The following SLIT3 variants were observed in gnomAD, a reference collection of about 807,000 sequenced individuals.
SLIT3 encodes slit homolog 3 protein.
Under a neutral mutation model 184.0 loss-of-function variants are expected in SLIT3, and 68 were observed. The observed-to-expected ratio is 0.37, with a 90% CI of 0.30 to 0.45. SLIT3 has a LOEUF of 0.45. SLIT3 is among the 20% of genes least tolerant of loss of function. The pLI is 1.00. For synonymous variants in SLIT3, 831 were observed against 828.6 expected (o/e 1.00, Z -0.05); for missense variants, 1,707 against 2,026.0 (o/e 0.84, Z 3.02).
At chr5:168,790,599 C>T (rs1756331600) in intron 10 of SLIT3, 1 of 152,156 alleles carries the variant, frequency 6.6e-6, no homozygotes, top group African/African-American at 2.4e-5. Flanking sequence ...AGAGATGCTC[C>T]AATTTCCTGC....
chr5:168,705,811 A>G (rs911344255), intron 26 of SLIT3, among the ~76,000 whole-genome samples: 2 of 152,214 alleles, frequency 1.3e-5, no homozygotes, highest in African/African-American at 2.4e-5. Flanking sequence ...ACCCAGCTCT[A>G]CTACTTTCAG....
At chr5:169,164,110 C>G (rs1414047531) in intron 4 of SLIT3, among the ~76,000 whole-genome samples, 2 of 152,186 alleles carry the variant, frequency 1.3e-5, no homozygotes, top group Non-Finnish European at 2.9e-5. Context: ...TGCTCCTTTT[C>G]AAAGTCAGGG....
chr5:168,826,196 G>A (rs961193457), intron 6 of SLIT3, among the ~76,000 whole-genome samples: 7 of 152,226 alleles, frequency 4.6e-5, no homozygotes, highest in Non-Finnish European at 1.0e-4. Flanking sequence ...AATGTGAGTC[G>A]TAATGAGTGC....
At chr5:169,074,144 G>A (rs1233550264) in intron 4 of SLIT3, among the ~76,000 whole-genome samples, 1 of 152,144 alleles carries the variant, frequency 6.6e-6, no homozygotes, top group South Asian at 2.1e-4. Flanking sequence ...AGCCCCAGGT[G>A]GATGATGTCT....
At chr5:169,214,932 G>A (rs140365102) in intron 3 of SLIT3, among the ~76,000 whole-genome samples, 226 of 152,152 alleles carry the variant, frequency 1.5e-3, no homozygotes, top group African/African-American at 4.9e-3. Flanking sequence ...CTGTATGGCC[G>A]TTCCCCTGGT....
chr5:168,810,287 T>G (rs1300356383), intron 8 of SLIT3, among the ~76,000 whole-genome samples: 4 of 152,248 alleles, frequency 2.6e-5, no homozygotes, highest in Admixed American at 2.6e-4. Flanking sequence ...TCTGTCTGCA[T>G]GCACATGTGT....
At chr5:168,971,067 A>G (rs1561581682) in intron 4 of SLIT3, among the ~76,000 whole-genome samples, 1 of 152,238 alleles carries the variant, frequency 6.6e-6, no homozygotes, top group Non-Finnish European at 1.5e-5. Context: ...GGTGATTCAT[A>G]GTAAAGAAGG....
intron 4 of SLIT3, among the ~76,000 whole-genome samples, chr5:169,004,821 A>G (rs1378605836): frequency 6.6e-6 from 1 of 152,184 alleles, no homozygotes; most frequent in African/African-American, 2.4e-5. Flanking sequence ...ATGTGACGAT[A>G]CAGCTAGAAG....
chr5:168,883,457 G>A (rs1359500203), intron 4 of SLIT3, 121 bp from the exon 5 acceptor site: 16 of 717,052 alleles, frequency 2.2e-5, no homozygotes, highest in Middle Eastern at 2.4e-4. Context: ...AGTGTATGGC[G>A]GCTGTTTGGT....
chr5:168,753,405 G>A (rs1270084857), intron 17 of SLIT3, among the ~76,000 whole-genome samples: 5 of 152,250 alleles, frequency 3.3e-5, no homozygotes, highest in African/African-American at 4.8e-5. Context: ...GAAGAGAAGA[G>A]AGAATCAAGA....
At chr5:168,706,456 G>A (rs1416389471) in intron 26 of SLIT3, 4 of 152,162 alleles carry the variant, frequency 2.6e-5, no homozygotes, top group Admixed American at 6.5e-5. Context: ...CACACATCCT[G>A]AGTATGTCTG....
At chr5:169,296,469 AGTCTGTCCAGGAG>A (rs1160626456) in intron 1 of SLIT3, among the ~76,000 whole-genome samples, 1 of 152,172 alleles carries the variant, frequency 6.6e-6, no homozygotes, top group Non-Finnish European at 1.5e-5. Flanking sequence ...GCTGCTCCTT[AGTCTGTCCAGGAG>A]GGCACTGTGT....
intron 4 of SLIT3, among the ~76,000 whole-genome samples, chr5:169,145,556 T>C (rs1230389934): frequency 2.0e-5 from 3 of 152,214 alleles, no homozygotes; most frequent in Non-Finnish European, 4.4e-5. Context: ...CCCAGCCACA[T>C]ACATTGGGCT....
At chr5:168,898,467 T>C (rs1483264388) in intron 4 of SLIT3, among the ~76,000 whole-genome samples, 2 of 151,286 alleles carry the variant, frequency 1.3e-5, no homozygotes, top group African/African-American at 4.9e-5. Context: ...AAATGAGATA[T>C]AAAAATGGTC....
At chr5:168,800,068 G>T (rs527745046) in intron 9 of SLIT3, among the ~76,000 whole-genome samples, 9 of 152,158 alleles carry the variant, frequency 5.9e-5, no homozygotes, top group Non-Finnish European at 1.2e-4. Flanking sequence ...AGATCACGCT[G>T]AAGGAAGGAA....
intron 3 of SLIT3, among the ~76,000 whole-genome samples, chr5:169,227,166 A>G (rs1407702292): frequency 6.6e-6 from 1 of 152,226 alleles, no homozygotes. Context: ...AATGGGAGGC[A>G]CAGACTTAAG....
At chr5:169,148,544 T>A (rs1277039734) in intron 4 of SLIT3, among the ~76,000 whole-genome samples, 1 of 152,158 alleles carries the variant, frequency 6.6e-6, no homozygotes, top group Admixed American at 6.5e-5. Context: ...GATTAAACCT[T>A]CTAGAGAGTA....
At chr5:169,099,868 G>T (rs1234230591) in intron 4 of SLIT3, among the ~76,000 whole-genome samples, 1 of 152,226 alleles carries the variant, frequency 6.6e-6, no homozygotes, top group Non-Finnish European at 1.5e-5. Context: ...TCTAAGGTGT[G>T]CCCCGAAGGC....
chr5:169,127,419 A>G (rs1011856748), intron 4 of SLIT3, among the ~76,000 whole-genome samples: 1 of 152,210 alleles, frequency 6.6e-6, no homozygotes, highest in Middle Eastern at 3.2e-3. Flanking sequence ...AAAATATTTT[A>G]GTTTTGTGCC....
Sources: allele counts gnomAD v4.1 joint callset (sites outside exome capture counted in the v4.1 genomes callset), GRCh38; gene constraint gnomAD v4.1.1; transcripts MANE v1.5; gene names NCBI Gene and HGNC (gene_info 2026-07-23, HGNC 2026-07-21).